Variants in CMTM8 observed in about 807,000 individuals in gnomAD.
CMTM8 encodes CKLF-like MARVEL transmembrane domain-containing protein 8.
A neutral mutation model predicts 18.6 loss-of-function variants in CMTM8; 12 were observed. The observed-to-expected ratio is 0.65, with a 90% CI of 0.41 to 1.05. CMTM8 has a LOEUF of 1.05. CMTM8 is among the 50% of genes least tolerant of loss of function. CMTM8 has a pLI of 0.00. For synonymous variants in CMTM8, 87 were observed against 90.6 expected (o/e 0.96, Z 0.23); for missense variants, 217 against 227.2 (o/e 0.95, Z 0.29).
chr3:32,348,529 C>CTTTTTTTTTTTTTTTTTTTTTTTT lies in CMTM8; in HGVS notation c.148-8831_148-8830insTTTTTTTTTTTTTTTTTTTTTTTT, dbSNP rs56252781. Reference sequence around the variant, plus strand: ...TTTTCTTCACTCTCTCTTCCTGGAACTTTTTTTTTTTTTGGAGACAAGATC... The same window carrying CTTTTTTTTTTTTTTTTTTTTTTTT: ...TTTTCTTCACTCTCTCTTCCTGGAACTTTTTTTTTTTTTTTTTTTTTTTTTTTTTTTTTTTTTGGAGACAAGATC... On this transcript the variant is annotated intron_variant, in intron 1 of 3. Coordinates refer to ENST00000307526, the MANE Select transcript of CMTM8 (RefSeq NM_178868.5). Among the ~76,000 whole-genome samples, 9 of 102,052 alleles carry CTTTTTTTTTTTTTTTTTTTTTTTT rather than the reference C, an allele frequency of 8.8e-5. 2 individuals carry two copies. The highest frequency in any genetic ancestry group is 1.1e-4 in the Non-Finnish European group (6 of 53,666). The allele number at this position is 102,052 out of a possible 152,430, so 67.0% of individuals were successfully genotyped here. A position where few individuals can be genotyped will look rare whatever the true frequency, so the allele number is the denominator to read the frequency against.
In CMTM8 at chr3:32,369,983, ATT is replaced by A; in HGVS notation, c.*17_*18del. 6.8e-7 allele frequency: 1 copy of A among 1,479,754 alleles called. No homozygotes were observed. Among genetic ancestry groups the A allele is most frequent in the Admixed American group, 1.8e-5 (1 of 56,758 alleles). 91.7% of individuals were successfully genotyped at this position (1,479,754 alleles called of 1,614,324 possible). ...CATACAGTGATTTACCATTTTGATAATTAAAAGGAAAAAAAAAGGAAGACTCT... is the reference window on the plus strand; with the variant it reads ...CATACAGTGATTTACCATTTTGATAAAAAAGGAAAAAAAAAGGAAGACTCT... On this transcript the variant is annotated 3_prime_UTR_variant, in exon 4 of 4. Transcript: ENST00000307526.
intron 1 of CMTM8, among the ~76,000 whole-genome samples, chr3:32,307,178 A>G (rs1469528600): frequency 2.0e-5 from 3 of 152,160 alleles, no homozygotes; most frequent in Non-Finnish European, 4.4e-5. Context: ...CGTCTCTACT[A>G]AAAATACAAA....
chr3:32,286,811 A>T (rs1475565327), intron 1 of CMTM8, among the ~76,000 whole-genome samples: 1 of 152,336 alleles, frequency 6.6e-6, no homozygotes, highest in African/African-American at 2.4e-5. Context: ...AAAGCTTACA[A>T]ATTTGTGTTG....
intron 1 of CMTM8, among the ~76,000 whole-genome samples, chr3:32,353,084 T>G (rs113007761): frequency 0.015 from 2,304 of 152,258 alleles, 28 homozygotes; most frequent in Non-Finnish European, 0.022. Context: ...ACCTCCACTT[T>G]CCCAGTTCAA....
At chr3:32,369,806 C>T (rs746000732) in intron 3 of CMTM8, 78 bp from the exon 4 acceptor site, 1 of 835,890 alleles carries the variant, frequency 1.2e-6, no homozygotes, top group Non-Finnish European at 1.9e-6. Context: ...GTGGGTGATT[C>T]AATGGAGGTG....
chr3:32,341,418 C>T (rs1233397461), intron 1 of CMTM8, among the ~76,000 whole-genome samples: 1 of 152,158 alleles, frequency 6.6e-6, no homozygotes, highest in East Asian at 1.9e-4. Context: ...GTCTGCCAAA[C>T]TGCTCTTTTT....
At chr3:32,258,979 C>G in intron 1 of CMTM8, 1 of 329,136 alleles carries the variant, frequency 3.0e-6, no homozygotes, top group Non-Finnish European at 5.9e-6. Flanking sequence ...CTCCAACTGC[C>G]AGTCCGTGGG....
intron 1 of CMTM8, among the ~76,000 whole-genome samples, chr3:32,254,935 A>G (rs990485259): frequency 2.6e-5 from 4 of 152,170 alleles, no homozygotes; most frequent in African/African-American, 9.7e-5. Flanking sequence ...CACCATCCCT[A>G]GTCAGCTACT....
chr3:32,293,300 C>T (rs1402783837), intron 1 of CMTM8, among the ~76,000 whole-genome samples: 1 of 152,094 alleles, frequency 6.6e-6, no homozygotes, highest in East Asian at 1.9e-4. Context: ...CCTGTAATCC[C>T]CACACTTGGG....
chr3:32,261,783 T>G (rs1449970647), intron 1 of CMTM8, among the ~76,000 whole-genome samples: 4 of 152,032 alleles, frequency 2.6e-5, no homozygotes, highest in Admixed American at 2.6e-4. Flanking sequence ...CCTTGTGGAG[T>G]TCAGTGTGAA....
intron 1 of CMTM8, chr3:32,259,939 G>A: frequency 8.7e-7 from 1 of 1,147,266 alleles, no homozygotes; most frequent in Non-Finnish European, 1.3e-6. Flanking sequence ...ACACCCTGCA[G>A]ATAGAGCAGC....
chr3:32,281,994 C>T (rs1328528653), intron 1 of CMTM8, among the ~76,000 whole-genome samples: 1 of 152,010 alleles, frequency 6.6e-6, no homozygotes, highest in South Asian at 2.1e-4. Context: ...TCCTCTTTTC[C>T]GTCTACACTC....
In CMTM8 at chr3:32,335,772, T is replaced by G. The variant is rs1220481607; in HGVS notation, c.148-21601T>G. Among the ~76,000 whole-genome samples, 4 of 152,184 alleles carry G rather than the reference T, an allele frequency of 2.6e-5. 1 individual carries two copies. The highest frequency in any genetic ancestry group is 9.7e-5 in the African/African-American group (4 of 41,436). On this transcript the variant is annotated intron_variant, in intron 1 of 3. Transcript: ENST00000307526. ...GGAATTTCAGAATTAAGAATGGACA[T>G]GACAAAGGAATATAGATTCCTAAAG... is the stretch of plus-strand genomic sequence containing the variant.
intron 2 of CMTM8, among the ~76,000 whole-genome samples, chr3:32,366,680 C>G (rs6550120): frequency 6.6e-6 from 1 of 151,926 alleles, no homozygotes; most frequent in African/African-American, 2.4e-5. Flanking sequence ...ATTAAATTTG[C>G]GTGACTCTAT....
chr3:32,339,111 T>G (rs1378980624), intron 1 of CMTM8, among the ~76,000 whole-genome samples: 1 of 152,174 alleles, frequency 6.6e-6, no homozygotes, highest in Non-Finnish European at 1.5e-5. Flanking sequence ...CACATTCTGT[T>G]CATCAAAAGC....
intron 1 of CMTM8, among the ~76,000 whole-genome samples, chr3:32,287,453 C>T (rs1360618809): frequency 2.0e-5 from 3 of 152,170 alleles, no homozygotes; most frequent in Non-Finnish European, 4.4e-5. Flanking sequence ...AATCCTTCAG[C>T]TGTTAATACC....
chr3:32,242,565 T>C (rs1018193677), intron 1 of CMTM8, among the ~76,000 whole-genome samples: 3 of 152,226 alleles, frequency 2.0e-5, no homozygotes, highest in Non-Finnish European at 4.4e-5. Flanking sequence ...TGAACTCAAG[T>C]GATCTGCCCA....
chr3:32,346,940 G>A (rs3889451), intron 1 of CMTM8, among the ~76,000 whole-genome samples: 2 of 151,584 alleles, frequency 1.3e-5, no homozygotes, highest in East Asian at 3.9e-4. Flanking sequence ...CCCACCTCAG[G>A]CTCCTGAGTA....
intron 1 of CMTM8, among the ~76,000 whole-genome samples, chr3:32,302,859 G>C (rs770463119): frequency 2.0e-5 from 3 of 152,182 alleles, no homozygotes; most frequent in Non-Finnish European, 2.9e-5. Context: ...TAAGACCCAT[G>C]GCATGAAGAG....
Sources: allele counts gnomAD v4.1 joint callset (sites outside exome capture counted in the v4.1 genomes callset), GRCh38; gene constraint gnomAD v4.1.1; transcripts MANE v1.5; gene names NCBI Gene and HGNC (gene_info 2026-07-23, HGNC 2026-07-21).